OLFM3: variants seen among roughly 807,000 people sequenced by gnomAD.
The protein encoded by OLFM3 is noelin-3.
Under a neutral mutation model 48.6 loss-of-function variants are expected in OLFM3, and 20 were observed. The observed-to-expected ratio is 0.41, with a 90% CI of 0.29 to 0.60. The LOEUF (loss-of-function observed/expected upper bound fraction) is 0.60, where lower values mean the gene tolerates loss of function less well. Among genes scored for constraint, OLFM3 ranks in the 20% least tolerant of loss-of-function variants. The probability of loss-of-function intolerance (pLI) is 0.28; values close to 1 mark genes in which losing one functional copy is unlikely to be tolerated. For synonymous variants in OLFM3, 222 were observed against 198.1 expected, an observed-to-expected ratio of 1.12 and a Z score of -1.01; for missense variants, 437 against 544.3, an observed-to-expected ratio of 0.80 and a Z score of 1.96.
chr1:101,991,200 G>C (rs1249175448), intron 1 of OLFM3, among the ~76,000 whole-genome samples: 1 of 151,142 alleles, frequency 6.6e-6, no homozygotes, highest in Non-Finnish European at 1.5e-5. Flanking sequence ...CCTAATACTT[G>C]AATGCTATCA....
intron 1 of OLFM3, among the ~76,000 whole-genome samples, chr1:101,968,051 A>G (rs933640089): frequency 5.9e-5 from 9 of 152,194 alleles, no homozygotes; most frequent in African/African-American, 2.2e-4. Flanking sequence ...TTCTTGACCT[A>G]ACAGTAGTTC....
At chr1:101,954,973 GT>G (rs138734936) in intron 1 of OLFM3, among the ~76,000 whole-genome samples, 5 of 152,148 alleles carry the variant, frequency 3.3e-5, no homozygotes, top group Admixed American at 6.6e-5. Flanking sequence ...AGTTTCAACA[GT>G]TTTACTGCTG....
chr1:101,896,736 G>T, intron 1 of OLFM3, among the ~76,000 whole-genome samples: 1 of 137,670 alleles, frequency 7.3e-6, no homozygotes, highest in African/African-American at 2.7e-5. Flanking sequence ...TCCTGACCTT[G>T]TGATCCGCCC....
intron 1 of OLFM3, among the ~76,000 whole-genome samples, chr1:101,930,401 G>A (rs898960047): frequency 6.6e-6 from 1 of 152,164 alleles, no homozygotes; most frequent in East Asian, 1.9e-4. Flanking sequence ...GGTAGAGTGA[G>A]AAAATATAAA....
intron 1 of OLFM3, among the ~76,000 whole-genome samples, chr1:101,982,966 G>A (rs867417620): frequency 3.9e-5 from 6 of 152,044 alleles, no homozygotes; most frequent in African/African-American, 7.2e-5. Context: ...GGAGAACCTC[G>A]AATAGTACAA....
In OLFM3 at chr1:101,910,242, G is replaced by A. The variant is rs953442157; in HGVS notation, c.70-73217C>T. On this transcript the variant is annotated intron_variant, in intron 1 of 5. Coordinates refer to ENST00000370103, the MANE Select transcript of OLFM3 (RefSeq NM_058170.4). ...AGCACTTTGGGAGGCCGAGGCGGGC[G>A]GATCACAAGGTCAGGAGATCGAGAC... is the stretch of plus-strand genomic sequence containing the variant. The A allele has an allele frequency of 2.0e-5, 8 of 404,844 alleles. No individual in the cohort carries two copies. In the East Asian group the frequency reaches 4.8e-4, roughly 24 times the overall value. 25.1% of individuals were successfully genotyped at this position (404,844 alleles called of 1,614,324 possible). A position where few individuals can be genotyped will look rare whatever the true frequency, so the allele number is the denominator to read the frequency against.
chr1:101,816,910 T>C (rs1279280672), intron 4 of OLFM3, among the ~76,000 whole-genome samples: 3 of 152,112 alleles, frequency 2.0e-5, no homozygotes, highest in Admixed American at 6.6e-5. Context: ...CCCTTACAAA[T>C]GGTTATTGAT....
chr1:101,897,392 A>G (rs541458051), intron 1 of OLFM3, among the ~76,000 whole-genome samples: 1 of 152,292 alleles, frequency 6.6e-6, no homozygotes, highest in South Asian at 2.1e-4. Context: ...GCTTTGTAAA[A>G]TGGTTAAGTT....
At chr1:101,985,262 C>G (rs1216231795) in intron 1 of OLFM3, among the ~76,000 whole-genome samples, 3 of 152,228 alleles carry the variant, frequency 2.0e-5, no homozygotes, top group African/African-American at 7.2e-5. Context: ...ATCTCAAGAT[C>G]CTTACTTTAG....
intron 1 of OLFM3, chr1:101,846,818 A>G (rs1162546123): frequency 6.4e-7 from 1 of 1,565,244 alleles, no homozygotes; most frequent in Non-Finnish European, 8.8e-7. Flanking sequence ...ACTTCTCAAG[A>G]TGGCCAAACC....
At chr1:101,978,827 T>A (rs1424216013) in intron 1 of OLFM3, among the ~76,000 whole-genome samples, 1 of 152,010 alleles carries the variant, frequency 6.6e-6, no homozygotes, top group Non-Finnish European at 1.5e-5. Context: ...ACATAGGTCT[T>A]TTTTTTTCTT....
At chr1:101,914,769 T>C (rs1456963887) in intron 1 of OLFM3, among the ~76,000 whole-genome samples, 1 of 152,140 alleles carries the variant, frequency 6.6e-6, no homozygotes, top group African/African-American at 2.4e-5. Context: ...GTCAAAACAA[T>C]AAAAGAGTTT....
chr1:101,829,294 A>G (rs1303401848), intron 3 of OLFM3, among the ~76,000 whole-genome samples: 1 of 152,148 alleles, frequency 6.6e-6, no homozygotes, highest in Non-Finnish European at 1.5e-5. Flanking sequence ...ATTTAAGTAT[A>G]TTCTAAATCT....
At chr1:101,967,614 A>AAAAAAAAAAAAAAAAT (rs1660652932) in intron 1 of OLFM3, among the ~76,000 whole-genome samples, 2 of 143,832 alleles carry the variant, frequency 1.4e-5, no homozygotes, top group East Asian at 2.1e-4. Context: ...AAAAAAAAAA[A>AAAAAAAAAAAAAAAAT]GGAATAACTG....
intron 1 of OLFM3, among the ~76,000 whole-genome samples, chr1:101,950,347 GACCAGCTGAACCCTTT>G (rs1244746810): frequency 6.6e-6 from 1 of 152,046 alleles, no homozygotes; most frequent in Non-Finnish European, 1.5e-5. Context: ...AAAATACGCA[GACCAGCTGAACCCTTT>G]ACCCTTTATC....
chr1:101,864,209 C>A (rs1656771105), intron 1 of OLFM3, among the ~76,000 whole-genome samples: 1 of 150,348 alleles, frequency 6.7e-6, no homozygotes, highest in African/African-American at 2.4e-5. Flanking sequence ...TTTTTTTTTC[C>A]AAAATCTTTA....
intron 1 of OLFM3, among the ~76,000 whole-genome samples, chr1:101,987,810 C>A (rs769739175): frequency 6.6e-6 from 1 of 152,030 alleles, no homozygotes; most frequent in Non-Finnish European, 1.5e-5. Context: ...TATGTCCTCC[C>A]TTTGGGGTTA....
chr1:101,826,232 C>T (rs1053331411), intron 3 of OLFM3, among the ~76,000 whole-genome samples: 2 of 151,960 alleles, frequency 1.3e-5, no homozygotes, highest in African/African-American at 2.4e-5. Flanking sequence ...CTGAAGCACG[C>T]CTACAGTTTC....
At position 101,830,685 on chromosome 1, in the gene OLFM3, G is replaced by C. The variant is rs1474255243; in HGVS notation, c.359C>G (p.Thr120Ser). The stretch of plus-strand genomic sequence containing the variant: ...AGTCAAACCTACCTGAAAATGCTTG[G>C]TCATAAGTGTCTTTCGATCATCTTC... ...QIEDDRKTLM[T>S]KHFQELKEKM... Residue 120 changes from threonine (T) to serine (S), a missense_variant, in exon 3 of 6, where the codon ACC becomes AGC. Around this residue, in one of 3 missense-constraint regions of OLFM3, gnomAD observed 314 missense variants for 365.5 expected, o/e 0.86. Coordinates refer to ENST00000370103, the MANE Select transcript of OLFM3 (RefSeq NM_058170.4). 2 of 1,614,012 alleles carry C rather than the reference G, an allele frequency of 1.2e-6. No individual in the cohort carries two copies. Among genetic ancestry groups the C allele is most frequent in the Non-Finnish European group, 1.7e-6 (2 of 1,180,026 alleles).
Sources: gnomAD v4.1 joint callset for allele counts (sites outside exome capture counted in the v4.1 genomes callset) on GRCh38, gnomAD v4.1.1 for gene constraint, gnomAD v4.1.1 regional missense constraint, MANE v1.5 for transcripts, NCBI Gene and HGNC (gene_info 2026-07-23, HGNC 2026-07-21) for gene names.